Variants in SYN2 observed in about 807,000 individuals in gnomAD.
The protein encoded by SYN2 is synapsin II.
SYN2 carries 19 observed loss-of-function variants against 50.9 expected under a neutral mutation model. The ratio of observed to expected loss-of-function variants is 0.37; its 90% CI spans 0.26 to 0.55. The LOEUF (loss-of-function observed/expected upper bound fraction) is 0.55, where lower values mean the gene tolerates loss of function less well. Ranked by LOEUF, SYN2 falls within the 20% of genes least tolerant of loss-of-function variation. The pLI is 0.81. For missense variants in SYN2, 587 were observed against 576.4 expected (o/e 1.02, Z -0.19); for synonymous variants, 255 against 224.9 (o/e 1.13, Z -1.20).
chr3:12,120,864 C>T (rs528294044), intron 1 of SYN2, among the ~76,000 whole-genome samples: 3 of 152,258 alleles, frequency 2.0e-5, no homozygotes, highest in Middle Eastern at 3.4e-3. Flanking sequence ...TTCTCATCTT[C>T]GCCTGTTAAA....
chr3:12,104,531 T>G (rs902732830), intron 1 of SYN2, among the ~76,000 whole-genome samples: 2 of 150,242 alleles, frequency 1.3e-5, no homozygotes, highest in African/African-American at 4.9e-5. Flanking sequence ...AGAACATACC[T>G]CCGTTTTAAG....
At chr3:12,073,266 G>A (rs1317965423) in intron 1 of SYN2, among the ~76,000 whole-genome samples, 1 of 152,192 alleles carries the variant, frequency 6.6e-6, no homozygotes, top group African/African-American at 2.4e-5. Flanking sequence ...CTGGTTTCCT[G>A]TATGGATTAA....
At chr3:12,059,301 C>A (rs1406561705) in intron 1 of SYN2, among the ~76,000 whole-genome samples, 11 of 152,044 alleles carry the variant, frequency 7.2e-5, no homozygotes, top group Non-Finnish European at 1.6e-4. Context: ...TGGTTTTGGC[C>A]TAAAAGGGTG....
chr3:12,187,323 A>T, intron 11 of SYN2, 46 bp from the exon 12 acceptor site: 4 of 1,481,118 alleles, frequency 2.7e-6, no homozygotes, highest in Non-Finnish European at 3.6e-6. Context: ...ATAAGGAAAC[A>T]TTTTTATATG....
chr3:12,060,460 A>T (rs1210243319), intron 1 of SYN2, among the ~76,000 whole-genome samples: 1 of 152,164 alleles, frequency 6.6e-6, no homozygotes, highest in African/African-American at 2.4e-5. Context: ...CTAAGGGGGA[A>T]GGGGAAAGAA....
chr3:12,157,004 C>T, intron 5 of SYN2: 3 of 1,114,244 alleles, frequency 2.7e-6, no homozygotes, highest in Non-Finnish European at 4.0e-6. Context: ...CAGACAAAAA[C>T]CTCTCACTTC....
At chr3:12,189,742 C>A (rs777927440) in intron 12 of SYN2, among the ~76,000 whole-genome samples, 3 of 152,072 alleles carry the variant, frequency 2.0e-5, no homozygotes, top group Non-Finnish European at 4.4e-5. Context: ...GCGGAGGTTG[C>A]AGTGAGCAGA....
At chr3:12,183,481 C>CA (rs1386370174) in intron 11 of SYN2, 109 bp downstream of exon 11, 24 of 1,602,740 alleles carry the variant, frequency 1.5e-5, no homozygotes, top group Non-Finnish European at 2.0e-5. Context: ...AATTTTAAGC[C>CA]AAAAACAAAC....
At chr3:12,123,247 A>G (rs1258078748) in intron 1 of SYN2, among the ~76,000 whole-genome samples, 1 of 152,230 alleles carries the variant, frequency 6.6e-6, no homozygotes, top group Non-Finnish European at 1.5e-5. Flanking sequence ...AAGCACATCA[A>G]AGTTCCAGAA....
intron 9 of SYN2, among the ~76,000 whole-genome samples, chr3:12,169,391 C>A (rs1165860953): frequency 6.6e-6 from 1 of 152,186 alleles, no homozygotes; most frequent in Non-Finnish European, 1.5e-5. Flanking sequence ...GCACATGCTC[C>A]TAATCAGAGA....
intron 1 of SYN2, chr3:12,071,422 G>T: frequency 1.9e-6 from 1 of 530,326 alleles, no homozygotes; most frequent in Admixed American, 2.0e-5. Flanking sequence ...AGTATAAATT[G>T]CCCCTGGCAA....
intron 1 of SYN2, among the ~76,000 whole-genome samples, chr3:12,096,949 A>T (rs1015891812): frequency 6.6e-6 from 1 of 152,162 alleles, no homozygotes; most frequent in Non-Finnish European, 1.5e-5. Context: ...AGAAGGAGAA[A>T]GGAAAATAGG....
intron 1 of SYN2, among the ~76,000 whole-genome samples, chr3:12,122,363 C>T (rs1696579669): frequency 6.6e-6 from 1 of 152,096 alleles, no homozygotes; most frequent in South Asian, 2.1e-4. Context: ...AAGAGACTCT[C>T]GAGGCTGAAA....
intron 1 of SYN2, among the ~76,000 whole-genome samples, chr3:12,061,472 T>A (rs1574916744): frequency 6.6e-6 from 1 of 152,184 alleles, no homozygotes; most frequent in East Asian, 1.9e-4. Context: ...CCATACTTTC[T>A]CCCTAAGATT....
rs774564000 is a variant in SYN2, at chr3:12,004,518, C to G, written c.-34C>G. Reference sequence around the variant, plus strand: ...GCTCTCCCTCCGCGCCACCAGACCCCGTAGCCCCGCGCGCCCCCAGCCCTT... The same window carrying G: ...GCTCTCCCTCCGCGCCACCAGACCCGGTAGCCCCGCGCGCCCCCAGCCCTT... On this transcript the variant is annotated 5_prime_UTR_variant, in exon 1 of 13. Transcript: ENST00000621198. 8 of 547,506 alleles carry G rather than the reference C, an allele frequency of 1.5e-5. 1 individual carries two copies. The highest frequency in any genetic ancestry group is 2.7e-5 in the Non-Finnish European group (8 of 292,774). 33.9% of individuals were successfully genotyped at this position (547,506 alleles called of 1,614,324 possible).
At chr3:12,079,764 C>CT (rs1256256417) in intron 1 of SYN2, among the ~76,000 whole-genome samples, 3 of 152,072 alleles carry the variant, frequency 2.0e-5, no homozygotes, top group East Asian at 3.9e-4. Context: ...CTGAAGTTTT[C>CT]TTTTTTTGTT....
chr3:12,048,589 C>T (rs1396023410), intron 1 of SYN2, among the ~76,000 whole-genome samples: 1 of 152,316 alleles, frequency 6.6e-6, no homozygotes, highest in East Asian at 1.9e-4. Flanking sequence ...TGATAGCTAA[C>T]ATTCATTGAA....
intron 1 of SYN2, among the ~76,000 whole-genome samples, chr3:12,036,368 T>C (rs761643442): frequency 6.6e-6 from 1 of 152,164 alleles, no homozygotes; most frequent in Non-Finnish European, 1.5e-5. Context: ...AGGAGGAGAT[T>C]GCCATGGCTC....
intron 1 of SYN2, among the ~76,000 whole-genome samples, chr3:12,059,664 A>G (rs1393277729): frequency 6.6e-6 from 1 of 152,124 alleles, no homozygotes; most frequent in Non-Finnish European, 1.5e-5. Flanking sequence ...TCCTGACAGT[A>G]ACTTCCTTGG....
Sources: allele counts gnomAD v4.1 joint callset (sites outside exome capture counted in the v4.1 genomes callset), GRCh38; gene constraint gnomAD v4.1.1; transcripts MANE v1.5; gene names NCBI Gene and HGNC (gene_info 2026-07-23, HGNC 2026-07-21).